The following VASH2 variants were observed in gnomAD, a reference collection of about 807,000 sequenced individuals.
VASH2 encodes the protein vasohibin 2.
Under a neutral mutation model 37.2 loss-of-function variants are expected in VASH2, and 28 were observed. That is an observed-to-expected ratio of 0.75 (90% CI 0.56 to 1.03). The LOEUF (loss-of-function observed/expected upper bound fraction) is 1.03, where lower values mean the gene tolerates loss of function less well. VASH2 is among the 50% of genes least tolerant of loss of function. The pLI, the probability that VASH2 is intolerant of heterozygous loss-of-function variation, is 0.00. For synonymous variants in VASH2, 188 were observed against 174.7 expected, an observed-to-expected ratio of 1.08 and a Z score of -0.60; for missense variants, 419 against 459.1, an observed-to-expected ratio of 0.91 and a Z score of 0.80.
At chr1:212,966,893 A>G (rs568597350) in intron 5 of VASH2, 13 of 362,272 alleles carry the variant, frequency 3.6e-5, no homozygotes, top group Non-Finnish European at 6.5e-5. Context: ...ATGCCCGGCT[A>G]ATTTTTTGTT....
At chr1:212,961,426 G>A in intron 3 of VASH2, 172 bp downstream of exon 3, 2 of 1,410,030 alleles carry the variant, frequency 1.4e-6, no homozygotes, top group Non-Finnish European at 1.9e-6. Context: ...CGTGGAGGTT[G>A]TCATTGCAGT....
chr1:212,986,430 G>T (rs555225826), intron 7 of VASH2, among the ~76,000 whole-genome samples: 3 of 152,202 alleles, frequency 2.0e-5, no homozygotes, highest in African/African-American at 7.2e-5. Context: ...CAAAATGGAG[G>T]CTCACTTCAG....
intron 5 of VASH2, 32 bp downstream of exon 5, chr1:212,966,377 T>C (rs1357817345): frequency 6.5e-7 from 1 of 1,539,894 alleles, no homozygotes; most frequent in African/African-American, 1.4e-5. Flanking sequence ...CTTAGTTTAC[T>C]CCATAAATGG....
intron 5 of VASH2, chr1:212,969,340 C>T (rs575204979): frequency 3.5e-4 from 101 of 290,778 alleles, no homozygotes; most frequent in Admixed American, 5.2e-4. Flanking sequence ...CAACAACAGG[C>T]GCACGCCGCC....
chr1:212,956,486 A>C (rs1027042991), intron 2 of VASH2, among the ~76,000 whole-genome samples: 5 of 152,140 alleles, frequency 3.3e-5, no homozygotes, highest in African/African-American at 1.2e-4. Context: ...GAGACCGTTG[A>C]GGGGAAGGGC....
chr1:212,988,118 T>C (rs1667535286), intron 7 of VASH2, among the ~76,000 whole-genome samples: 1 of 152,156 alleles, frequency 6.6e-6, no homozygotes. Context: ...ACACGAACAC[T>C]AGGAAGCCAA....
At chr1:212,986,776 G>C (rs2102664668) in intron 7 of VASH2, among the ~76,000 whole-genome samples, 1 of 152,224 alleles carries the variant, frequency 6.6e-6, no homozygotes. Context: ...GATTTCTACT[G>C]GCAGTCAGCT....
chr1:212,987,607 G>C (rs939880799), intron 7 of VASH2, among the ~76,000 whole-genome samples: 11 of 152,100 alleles, frequency 7.2e-5, no homozygotes, highest in African/African-American at 2.4e-4. Context: ...CAAAAACAAG[G>C]TTTATGTGTA....
chr1:212,951,393 GTGAGTCC>G lies in VASH2; in HGVS notation c.-147_-141del. ...GAGCTCCCGCCGCCGCTCCCCCTTG[GTGAGTCC>G]TGCCGCAGCGAGAGGCATGGAGAAG... On this transcript the variant is annotated 5_prime_UTR_variant, in exon 2 of 8. Coordinates refer to ENST00000517399, the MANE Select transcript of VASH2 (RefSeq NM_001301056.2). The surrounding 1 kb of genome is among the most constrained non-coding windows in gnomAD (Gnocchi z 4.4). 1 of 287,672 alleles carries G rather than the reference GTGAGTCC, an allele frequency of 3.5e-6. No homozygotes were observed. Among genetic ancestry groups the G allele is most frequent in the Non-Finnish European group, 5.3e-6 (1 of 189,528 alleles). 17.8% of individuals were successfully genotyped at this position (287,672 alleles called of 1,614,324 possible). A position where few individuals can be genotyped will look rare whatever the true frequency, so the allele number is the denominator to read the frequency against.
At chr1:212,983,952 C>T (rs1667405496) in intron 7 of VASH2, among the ~76,000 whole-genome samples, 1 of 152,168 alleles carries the variant, frequency 6.6e-6, no homozygotes, top group African/African-American at 2.4e-5. Context: ...GAGCAAATTC[C>T]CTACCTTTCA....
intron 3 of VASH2, 130 bp from the exon 4 acceptor site, chr1:212,965,592 T>G (rs749345985): frequency 6.7e-6 from 5 of 748,470 alleles, no homozygotes; most frequent in Non-Finnish European, 1.1e-5. Context: ...AGCTACCTTC[T>G]GGGTGCTGGC....
intron 7 of VASH2, among the ~76,000 whole-genome samples, chr1:212,978,577 A>G (rs1304462734): frequency 6.6e-6 from 1 of 152,188 alleles, no homozygotes; most frequent in Non-Finnish European, 1.5e-5. Context: ...GTGAAGAGTG[A>G]TTGCCACCTG....
At chr1:212,968,586 C>A in intron 5 of VASH2, 1 of 985,466 alleles carries the variant, frequency 1.0e-6, no homozygotes. Flanking sequence ...TACTGAGGCC[C>A]CTCCCCAACC....
At chr1:212,977,123 T>C (rs1314503287) in intron 7 of VASH2, among the ~76,000 whole-genome samples, 3 of 152,052 alleles carry the variant, frequency 2.0e-5, no homozygotes, top group Non-Finnish European at 4.4e-5. Flanking sequence ...TTGAGAGGGC[T>C]GAGGGGCTGG....
intron 7 of VASH2, among the ~76,000 whole-genome samples, chr1:212,975,705 GT>G (rs1667151454): frequency 6.6e-6 from 1 of 152,248 alleles, no homozygotes; most frequent in South Asian, 2.1e-4. Flanking sequence ...GCAATAGCAA[GT>G]TGCTCATAAA....
At chr1:212,966,987 C>T (rs1026343593) in intron 5 of VASH2, 13 of 661,096 alleles carry the variant, frequency 2.0e-5, no homozygotes, top group African/African-American at 1.3e-4. Context: ...TCAAGTGATC[C>T]GCCCACCTCA....
At chr1:212,978,878 G>T (rs1016327317) in intron 7 of VASH2, among the ~76,000 whole-genome samples, 48 of 152,214 alleles carry the variant, frequency 3.2e-4, no homozygotes, top group African/African-American at 1.1e-3. Flanking sequence ...GCACTTGGAG[G>T]TTGGGAGGGA....
intron 3 of VASH2, among the ~76,000 whole-genome samples, chr1:212,962,096 C>G (rs920999369): frequency 2.6e-5 from 4 of 152,184 alleles, no homozygotes; most frequent in Non-Finnish European, 5.9e-5. Context: ...CCCTCTCCCC[C>G]GACTCGAGCT....
In VASH2 at chr1:212,991,366, T is replaced by C. The variant is rs1235566630; in HGVS notation, c.*2782T>C. On this transcript the variant is annotated 3_prime_UTR_variant, in exon 8 of 8. Transcript: ENST00000517399. ...TTTTTTGACATACAATTCAGAACTT[T>C]GTTTATTCTCTTGGACTTTGTTCTG... The C allele has an allele frequency of 6.6e-6, 1 of 152,232 alleles. No individual in the cohort carries two copies. The highest frequency in any genetic ancestry group is 2.4e-5 in the African/African-American group (1 of 41,464). The allele number at this position is 152,232 out of a possible 1,614,324, so 9.4% of individuals were successfully genotyped here. A position where few individuals can be genotyped will look rare whatever the true frequency, so the allele number is the denominator to read the frequency against.
Sources: gnomAD v4.1 joint callset for allele counts (sites outside exome capture counted in the v4.1 genomes callset) on GRCh38, gnomAD v4.1.1 for gene constraint, Gnocchi (gnomAD v3.1) non-coding constraint, MANE v1.5 for transcripts, NCBI Gene and HGNC (gene_info 2026-07-23, HGNC 2026-07-21) for gene names.